AKAP13: variants seen among roughly 807,000 people sequenced by gnomAD.
AKAP13 encodes the protein A-kinase anchoring protein 13, also known as A-kinase anchor protein 13.
In AKAP13, 80 loss-of-function variants were observed where a neutral mutation model predicts 264.5. The ratio of observed to expected loss-of-function variants is 0.30; its 90% CI spans 0.25 to 0.36. AKAP13 has a LOEUF of 0.36. AKAP13 is among the 10% of genes least tolerant of loss of function. The pLI is 1.00. For synonymous variants in AKAP13, 1,380 were observed against 1,250.2 expected (o/e 1.10, Z -2.19); for missense variants, 3,712 against 3,435.2 (o/e 1.08, Z -2.01).
intron 8 of AKAP13, among the ~76,000 whole-genome samples, chr15:85,629,775 T>G (rs77767434): frequency 1.2e-5 from 1 of 84,962 alleles, no homozygotes; most frequent in Non-Finnish European, 2.2e-5. Flanking sequence ...TTTTTTTTTT[T>G]TTTTTTTTTT....
chr15:85,634,359 G>A (rs1335493825), intron 8 of AKAP13, among the ~76,000 whole-genome samples: 2 of 152,124 alleles, frequency 1.3e-5, no homozygotes, highest in Non-Finnish European at 2.9e-5. Context: ...AGAGGTTATT[G>A]AATAAAATCA....
intron 17 of AKAP13, among the ~76,000 whole-genome samples, chr15:85,695,886 G>A (rs1404293150): frequency 1.3e-5 from 2 of 152,206 alleles, no homozygotes; most frequent in East Asian, 3.9e-4. Flanking sequence ...ACTCTTCTGG[G>A]ACACCAGTCG....
intron 8 of AKAP13, among the ~76,000 whole-genome samples, chr15:85,630,650 G>A (rs576792761): frequency 7.2e-5 from 11 of 152,154 alleles, no homozygotes; most frequent in South Asian, 4.1e-4. Context: ...CCAGCATGGC[G>A]AGCCTTACAT....
intron 5 of AKAP13, among the ~76,000 whole-genome samples, chr15:85,562,695 T>TCTTTC (rs1453396460): frequency 5.1e-5 from 1 of 19,548 alleles, no homozygotes; most frequent in Non-Finnish European, 1.4e-4. Context: ...TCTTTTCTTT[T>TCTTTC]TTTTTTTTTT....
rs1047965204 is a variant in AKAP13 at position 85,710,761 on chromosome 15, GGTAA to G, written c.5599+119_5599+122del. The G allele has an allele frequency of 2.6e-5, 31 of 1,170,786 alleles. No individual in the cohort carries two copies. In the African/African-American group the frequency reaches 4.6e-4, roughly 18 times the overall value. 72.5% of individuals were successfully genotyped at this position (1,170,786 alleles called of 1,614,324 possible). A position where few individuals can be genotyped will look rare whatever the true frequency, so the allele number is the denominator to read the frequency against. ...GTCAAGATATGAATACCTATTTTGT[GGTAA>G]GTGAGAGAAGGCTGCTGTTTTATCC... On this transcript the variant is annotated intron_variant, in intron 19 of 36. Transcript: ENST00000394518.
intron 2 of AKAP13, 27 bp from the exon 3 acceptor site, chr15:85,521,401 A>G (rs761416774): frequency 6.2e-7 from 1 of 1,610,884 alleles, no homozygotes. Context: ...TACTAATGTA[A>G]ACTTGCTATA....
At chr15:85,410,191 AT>A (rs201682753) in intron 1 of AKAP13, among the ~76,000 whole-genome samples, 2,010 of 151,562 alleles carry the variant, frequency 0.013, 106 homozygotes, top group African/African-American at 0.047. Flanking sequence ...GGTTATTAGA[AT>A]AAGCATCATG....
chr15:85,383,375 G>A (rs1457598310), intron 1 of AKAP13, among the ~76,000 whole-genome samples: 2 of 152,184 alleles, frequency 1.3e-5, no homozygotes, highest in Non-Finnish European at 2.9e-5. Context: ...CTCCATAAGC[G>A]TTAGTAACAG....
At chr15:85,569,834 T>C (rs990221355) in intron 5 of AKAP13, among the ~76,000 whole-genome samples, 2 of 151,744 alleles carry the variant, frequency 1.3e-5, no homozygotes, top group African/African-American at 2.4e-5. Context: ...TCCCAGCACA[T>C]TGGGAGGCCA....
intron 7 of AKAP13, among the ~76,000 whole-genome samples, chr15:85,585,275 T>C (rs2079293370): frequency 6.6e-6 from 1 of 152,242 alleles, no homozygotes; most frequent in African/African-American, 2.4e-5. Flanking sequence ...TCATTCTCAG[T>C]GGCTTTTTCC....
In AKAP13 at chr15:85,599,973, G is replaced by A. The variant is rs1048016339; in HGVS notation, c.4161+14150G>A. Among the ~76,000 whole-genome samples, 14 of 152,226 alleles carry A rather than the reference G, an allele frequency of 9.2e-5. 1 individual carries two copies. The South Asian group carries it at 1.9e-3, about 20-fold the overall frequency. On this transcript the variant is annotated intron_variant, in intron 8 of 36. Transcript: ENST00000394518. Reference sequence around the variant, plus strand: ...GTTAGATAATACCAACCATCTATTAGCAAACAAACATCAAGCTGCCCTGAA... The same window carrying A: ...GTTAGATAATACCAACCATCTATTAACAAACAAACATCAAGCTGCCCTGAA...
At chr15:85,735,973 C>A in intron 32 of AKAP13, 117 bp from the exon 33 acceptor site, 2 of 868,550 alleles carry the variant, frequency 2.3e-6, no homozygotes, top group Non-Finnish European at 3.8e-6. Context: ...ACCTTCACTA[C>A]CTTAGTGAGA....
intron 1 of AKAP13, among the ~76,000 whole-genome samples, chr15:85,381,053 T>C (rs2083393780): frequency 1.3e-5 from 2 of 149,694 alleles, no homozygotes; most frequent in Admixed American, 1.3e-4. Context: ...CGCCTCCCAC[T>C]CCGCAGCCCA....
chr15:85,618,885 A>G (rs1256529626), intron 8 of AKAP13, among the ~76,000 whole-genome samples: 3 of 152,206 alleles, frequency 2.0e-5, no homozygotes, highest in Non-Finnish European at 4.4e-5. Flanking sequence ...ACTTTATCAG[A>G]CACATTTATA....
Position 85,639,396 on chromosome 15 carries a change from C to G in AKAP13, c.4184C>G (p.Thr1395Arg), listed in dbSNP as rs747285684. The part of the protein sequence containing the change: ...TQAINRENWC[T>R]IEPCPDAASL... ...CAGATAAACCGAGAAAACTGGTGTA[C>G]AATAGAGCCATGCCCTGATGCAGCA... Residue 1395 changes from threonine to arginine, a missense_variant, in exon 9 of 37, where the codon ACA (threonine) becomes AGA (arginine). Thr to Arg is a moderately conservative substitution (Grantham distance 71). Around this residue, in one of 3 missense-constraint regions of AKAP13, gnomAD observed 2,759 missense variants for 2,411.7 expected, o/e 1.14. Coordinates refer to ENST00000394518, the MANE Select transcript of AKAP13 (RefSeq NM_007200.5). 1 of 1,611,984 alleles carries G rather than the reference C, an allele frequency of 6.2e-7. No individual in the cohort carries two copies. The highest frequency in any genetic ancestry group is 8.5e-7 in the Non-Finnish European group (1 of 1,179,228).
At chr15:85,541,305 C>T (rs907227907) in intron 4 of AKAP13, among the ~76,000 whole-genome samples, 1 of 151,854 alleles carries the variant, frequency 6.6e-6, no homozygotes, top group Non-Finnish European at 1.5e-5. Context: ...TAAGGTGGAT[C>T]GATGGGGAAA....
chr15:85,643,978 GT>G (rs1474142791), intron 9 of AKAP13, among the ~76,000 whole-genome samples: 1 of 152,166 alleles, frequency 6.6e-6, no homozygotes, highest in Non-Finnish European at 1.5e-5. Context: ...GGATGCCCGT[GT>G]ACTATTTACT....
intron 14 of AKAP13, 108 bp from the exon 15 acceptor site, chr15:85,682,050 T>C: frequency 9.6e-7 from 1 of 1,037,398 alleles, no homozygotes; most frequent in Non-Finnish European, 1.5e-6. Flanking sequence ...GTGCTGACTT[T>C]CACACGCTGT....
chr15:85,648,723 C>A (rs965707675), intron 10 of AKAP13, among the ~76,000 whole-genome samples: 2 of 152,154 alleles, frequency 1.3e-5, no homozygotes, highest in Non-Finnish European at 2.9e-5. Flanking sequence ...CCTGTGGTCC[C>A]AGCTATTCAG....
Sources: allele counts gnomAD v4.1 joint callset (sites outside exome capture counted in the v4.1 genomes callset), GRCh38; gene constraint gnomAD v4.1.1; regional missense constraint gnomAD v4.1.1; transcripts MANE v1.5; gene names NCBI Gene and HGNC (gene_info 2026-07-23, HGNC 2026-07-21).